ZNF710: variants seen among roughly 807,000 people sequenced by gnomAD.
ZNF710 encodes zinc finger protein 710.
A neutral mutation model predicts 50.6 loss-of-function variants in ZNF710; 13 were observed. The ratio of observed to expected loss-of-function variants is 0.26; its 90% confidence interval spans 0.17 to 0.41. The LOEUF is 0.41. Among genes scored for constraint, ZNF710 ranks in the 10% least tolerant of loss-of-function variants. The pLI, the probability that ZNF710 is intolerant of heterozygous loss-of-function variation, is 1.00. For missense variants in ZNF710, 721 were observed against 936.6 expected, an observed-to-expected ratio of 0.77 and a Z score of 3.01; for synonymous variants, 383 against 397.0, an observed-to-expected ratio of 0.96 and a Z score of 0.42.
intron 1 of ZNF710, among the ~76,000 whole-genome samples, chr15:90,044,690 A>C (rs1899406648): frequency 6.6e-6 from 1 of 152,096 alleles, no homozygotes; most frequent in Non-Finnish European, 1.5e-5. Context: ...TTTTTCTTTA[A>C]ACCTGTGGAA....
intron 4 of ZNF710, among the ~76,000 whole-genome samples, chr15:90,079,446 C>T (rs1900669234): frequency 6.6e-6 from 1 of 152,238 alleles, no homozygotes; most frequent in African/African-American, 2.4e-5. Flanking sequence ...ACCCACTCCC[C>T]CACACTCAGC....
intron 1 of ZNF710, among the ~76,000 whole-genome samples, chr15:90,022,043 C>G (rs2151476038): frequency 6.6e-6 from 1 of 151,776 alleles, no homozygotes; most frequent in Middle Eastern, 3.4e-3. Context: ...GATCCAGCCA[C>G]TGTACTTCAG....
At chr15:90,003,141 TG>T (rs1898057392) in intron 1 of ZNF710, among the ~76,000 whole-genome samples, 1 of 152,226 alleles carries the variant, frequency 6.6e-6, no homozygotes, top group South Asian at 2.1e-4. Context: ...CCCAAAGTGC[TG>T]GGATCACAAG....
At chr15:90,049,590 C>G (rs1899574570) in intron 1 of ZNF710, among the ~76,000 whole-genome samples, 1 of 152,238 alleles carries the variant, frequency 6.6e-6, no homozygotes, top group Admixed American at 6.5e-5. Context: ...AGGTCATCCT[C>G]TGTGATCCGG....
chr15:90,070,695 C>G (rs1243725447), intron 2 of ZNF710, among the ~76,000 whole-genome samples: 5 of 151,842 alleles, frequency 3.3e-5, no homozygotes, highest in Non-Finnish European at 7.4e-5. Context: ...TGGCACACAC[C>G]TGTGGTCCAG....
At chr15:90,073,823 T>G (rs1318919267) in intron 3 of ZNF710, among the ~76,000 whole-genome samples, 1 of 151,784 alleles carries the variant, frequency 6.6e-6, no homozygotes, top group East Asian at 1.9e-4. Context: ...ACCCCTTCTC[T>G]ACTAAACATA....
At chr15:90,035,562 G>T (rs1333359621) in intron 1 of ZNF710, among the ~76,000 whole-genome samples, 1 of 152,246 alleles carries the variant, frequency 6.6e-6, no homozygotes, top group Admixed American at 6.5e-5. Flanking sequence ...GACCCTGGTA[G>T]CTTCTTAAAT....
intron 1 of ZNF710, among the ~76,000 whole-genome samples, chr15:90,026,260 C>CAAAAA (rs1303807061): frequency 7.4e-5 from 3 of 40,798 alleles, no homozygotes. Flanking sequence ...AAAACAACAA[C>CAAAAA]AACAACAACA....
intron 1 of ZNF710, among the ~76,000 whole-genome samples, chr15:90,058,752 T>A (rs116381457): frequency 0.011 from 1,705 of 149,012 alleles, 36 homozygotes; most frequent in African/African-American, 0.041. Flanking sequence ...CACAGAGAGG[T>A]CTCTTTTAAG....
chr15:90,031,425 G>T (rs1898945691), intron 1 of ZNF710, among the ~76,000 whole-genome samples: 1 of 152,122 alleles, frequency 6.6e-6, no homozygotes, highest in Non-Finnish European at 1.5e-5. Context: ...AAGATCCCCG[G>T]GTGATTCCTC....
chr15:90,071,646 A>T (rs916367899), intron 2 of ZNF710, among the ~76,000 whole-genome samples: 3 of 151,562 alleles, frequency 2.0e-5, no homozygotes, highest in Non-Finnish European at 2.9e-5. Context: ...CTCCCAACTT[A>T]AAAAAAATTT....
Position 90,054,080 on chromosome 15 carries a change from C to T in ZNF710, c.-28-13030C>T, listed in dbSNP as rs1567235212. ...AAGCAAAAGATAAATAAATGTCACC[C>T]TGAGATGACAAGAGAACATTGAAGG... On this transcript the variant is annotated intron_variant, in intron 1 of 4. Transcript: ENST00000268154. Among the ~76,000 whole-genome samples, 5 of 152,132 alleles carry T rather than the reference C, an allele frequency of 3.3e-5. No homozygotes were observed. In the East Asian group the frequency reaches 5.8e-4, roughly 18 times the overall value.
chr15:90,052,244 A>T (rs866130807), intron 1 of ZNF710, among the ~76,000 whole-genome samples: 1 of 150,164 alleles, frequency 6.7e-6, no homozygotes, highest in Non-Finnish European at 1.5e-5. Context: ...CTTCATCCCC[A>T]TGTGACTTTT....
chr15:90,079,989 C>A lies in ZNF710; in HGVS notation c.*160C>A. The A allele has an allele frequency of 3.1e-6, 2 of 641,462 alleles. No homozygotes were observed. Among genetic ancestry groups the A allele is most frequent in the Non-Finnish European group, 4.9e-6 (2 of 404,868 alleles). The allele number at this position is 641,462 out of a possible 1,614,324, so 39.7% of individuals were successfully genotyped here. ...TTTGCACCACTAGGGACCTTTAGAC[C>A]AAATGGAGACTGTACTACTGGCCCC... On this transcript the variant is annotated 3_prime_UTR_variant, in exon 5 of 5. Coordinates refer to ENST00000268154, the MANE Select transcript of ZNF710 (RefSeq NM_198526.4).
chr15:90,065,225 G>C (rs79705458), intron 1 of ZNF710, among the ~76,000 whole-genome samples: 11,377 of 152,246 alleles, frequency 0.075, 888 homozygotes, highest in African/African-American at 0.19. Flanking sequence ...GCTCCGCTGG[G>C]CGCTGGGGGG....
At position 90,080,014 on chromosome 15, in the gene ZNF710, C is replaced by T. The variant is rs528531894; in HGVS notation, c.*185C>T. 2.1e-5 allele frequency: 11 copies of T among 535,836 alleles called. No individual in the cohort carries two copies. In the Admixed American group the frequency reaches 2.6e-4, roughly 12 times the overall value. The allele number at this position is 535,836 out of a possible 1,614,324, so 33.2% of individuals were successfully genotyped here. ...CAAATGGAGACTGTACTACTGGCCCCGGCTGTGAGCCAGCACAGGCCCAGG... is the reference window on the plus strand; with the variant it reads ...CAAATGGAGACTGTACTACTGGCCCTGGCTGTGAGCCAGCACAGGCCCAGG... On this transcript the variant is annotated 3_prime_UTR_variant, in exon 5 of 5. Coordinates refer to ENST00000268154, the MANE Select transcript of ZNF710 (RefSeq NM_198526.4).
chr15:90,072,425 A>G (rs1045090146), intron 2 of ZNF710, among the ~76,000 whole-genome samples: 2 of 152,130 alleles, frequency 1.3e-5, no homozygotes, highest in Non-Finnish European at 2.9e-5. Flanking sequence ...ATCACCAGGG[A>G]AATTAGGAAA....
intron 1 of ZNF710, among the ~76,000 whole-genome samples, chr15:90,017,323 G>A (rs1898482799): frequency 6.6e-6 from 1 of 152,160 alleles, no homozygotes; most frequent in South Asian, 2.1e-4. Context: ...CCTTGCTGAT[G>A]AGAAATGCTG....
In ZNF710 at chr15:90,067,442, C is replaced by T; in HGVS notation, c.305C>T (p.Pro102Leu). 2 of 1,610,034 alleles carry T rather than the reference C, an allele frequency of 1.2e-6. No homozygotes were observed. The highest frequency in any genetic ancestry group is 1.7e-6 in the Non-Finnish European group (2 of 1,177,992). The change falls in exon 2 of 5, where the codon CCT becomes CTT. Residue 102 changes from proline to leucine, a missense_variant. By Grantham distance (98) the Pro-to-Leu change is moderately conservative (BLOSUM62 -3). Transcript: ENST00000268154. This position sits in a 1 kb window ranked among gnomAD's most constrained non-coding sequence, Gnocchi z 8.1. ...EKHTRRKTRP[P>L]VRLVPKVKFE... ...CACACCCGGCGGAAGACGCGGCCACCTGTGCGGTTGGTGCCCAAGGTCAAG... is the reference window on the plus strand; with the variant it reads ...CACACCCGGCGGAAGACGCGGCCACTTGTGCGGTTGGTGCCCAAGGTCAAG...
Sources: allele counts gnomAD v4.1 joint callset (sites outside exome capture counted in the v4.1 genomes callset), GRCh38; gene constraint gnomAD v4.1.1; non-coding constraint Gnocchi (gnomAD v3.1); transcripts MANE v1.5; gene names NCBI Gene and HGNC (gene_info 2026-07-23, HGNC 2026-07-21).